The following TAF15 variants were observed in gnomAD, a reference collection of about 807,000 sequenced individuals.
TAF15 encodes the protein TATA-binding protein-associated factor 2N.
A neutral mutation model predicts 102.5 loss-of-function variants in TAF15; 37 were observed. That is an observed-to-expected ratio of 0.36 (90% CI 0.28 to 0.47). The LOEUF is 0.47. Ranked by LOEUF, TAF15 falls within the 20% of genes least tolerant of loss-of-function variation. The probability of loss-of-function intolerance (pLI) is 0.99; values close to 1 mark genes in which losing one functional copy is unlikely to be tolerated. For synonymous variants in TAF15, 273 were observed against 259.2 expected (o/e 1.05, Z -0.51); for missense variants, 652 against 760.7 (o/e 0.86, Z 1.68).
chr17:35,810,556 A>C (rs557877695), intron 1 of TAF15: 1 of 152,230 alleles, frequency 6.6e-6, no homozygotes, highest in South Asian at 2.1e-4. Flanking sequence ...CCAGGTGTCT[A>C]TCCACTTGCT....
rs754618156 is a variant in TAF15 at position 35,844,855 on chromosome 17, G to A, written c.1556G>A (p.Arg519Gln). Residue 519 changes from arginine (R) to glutamine (Q), a missense_variant, in exon 15 of 16, where the codon CGA becomes CAA. Arg to Gln is a conservative substitution (Grantham distance 43). Coordinates refer to ENST00000605844, the MANE Select transcript of TAF15 (RefSeq NM_139215.3). ...GGDRGGYGGD[R>Q]GGYGGDRSRG... The stretch of plus-strand genomic sequence containing the variant: ...GATCGAGGAGGTTATGGAGGAGATC[G>A]AGGAGGCTATGGAGGAGACAGAAGC... The A allele has an allele frequency of 1.7e-5, 27 of 1,606,148 alleles. No homozygotes were observed. Among genetic ancestry groups the A allele is most frequent in the East Asian group, 8.9e-5 (4 of 44,792 alleles).
In TAF15 at chr17:35,809,535, C is replaced by T. The variant is rs1316459162; in HGVS notation, c.-35C>T. ...TGGCTTTCGTATTCGTTGTTCTCGG[C>T]GGGCTGTGGGGCCTCCGCGCCGCGG... On this transcript the variant is annotated 5_prime_UTR_variant, in exon 1 of 16. Coordinates refer to ENST00000605844, the MANE Select transcript of TAF15 (RefSeq NM_139215.3). 7 of 1,612,730 alleles carry T rather than the reference C, an allele frequency of 4.3e-6. No individual in the cohort carries two copies. The highest frequency in any genetic ancestry group is 1.3e-5 in the African/African-American group (1 of 74,888).
At chr17:35,821,327 T>C (rs1443927914) in intron 5 of TAF15, among the ~76,000 whole-genome samples, 1 of 152,194 alleles carries the variant, frequency 6.6e-6, no homozygotes, top group Admixed American at 6.5e-5. Flanking sequence ...TTAAGAGAAA[T>C]AACTCTTCAA....
chr17:35,831,820 C>T (rs1025774942), intron 7 of TAF15, among the ~76,000 whole-genome samples: 1 of 151,648 alleles, frequency 6.6e-6, no homozygotes, highest in Non-Finnish European at 1.5e-5. Flanking sequence ...TGGTGGCTCA[C>T]ACCTGTAATC....
At chr17:35,819,022 T>C (rs4251735) in intron 2 of TAF15, among the ~76,000 whole-genome samples, 2,796 of 152,288 alleles carry the variant, frequency 0.018, 45 homozygotes, top group Non-Finnish European at 0.024. Context: ...GCAGTGGGCT[T>C]CTCTTACCAA....
rs1200279896 is a variant in TAF15 at position 35,844,618 on chromosome 17, A to T, written c.1319A>T (p.Asp440Val). The change falls in exon 15 of 16, where the codon GAT (aspartate) becomes GTT (valine). Residue 440 changes from aspartate to valine, a missense_variant. Physicochemically the swap from Asp to Val is radical, Grantham distance 152. Around this residue, in one of 3 missense-constraint regions of TAF15, gnomAD observed 368 missense variants for 367.5 expected, o/e 1.00. Transcript: ENST00000605844. ...AGCAGCGGTGGTGGCTACAGCGGAG[A>T]TAGAAGTGGGGGCGGCTATGGTGGA... ...DRSSGGGYSG[D>V]RSGGGYGGDR... is the part of the protein sequence containing the mutation. 3 of 1,493,156 alleles carry T rather than the reference A, an allele frequency of 2.0e-6. No homozygotes were observed. The highest frequency in any genetic ancestry group is 1.9e-5 in the African/African-American group (1 of 53,864). 92.5% of individuals were successfully genotyped at this position (1,493,156 alleles called of 1,614,324 possible). A position where few individuals can be genotyped will look rare whatever the true frequency, so the allele number is the denominator to read the frequency against.
At chr17:35,836,500 C>T (rs965199470) in intron 10 of TAF15, among the ~76,000 whole-genome samples, 1 of 152,076 alleles carries the variant, frequency 6.6e-6, no homozygotes, top group African/African-American at 2.4e-5. Flanking sequence ...CTGCTTAGTT[C>T]TTATAACTGT....
chr17:35,845,000 A>G lies in TAF15; in HGVS notation c.1701A>G (p.Gly567=). ...GAGGAGACCGAGGTGGGGGCTACGG[A>G]GGAGACCGAGGTGGCTATGGAGGCA... is the stretch of plus-strand genomic sequence containing the variant. The part of the protein sequence containing the change: ...GYGGDRGGGY[G]GDRGGYGGKM... Residue 567 remains glycine, a synonymous_variant, in exon 15 of 16, where the codon GGA becomes GGG. Coordinates refer to ENST00000605844, the MANE Select transcript of TAF15 (RefSeq NM_139215.3). The G allele has an allele frequency of 1.9e-6, 3 of 1,612,936 alleles. No individual in the cohort carries two copies. The highest frequency in any genetic ancestry group is 2.2e-5 in the East Asian group (1 of 44,790).
In TAF15 at chr17:35,844,090, T is replaced by C. The variant is rs777176470; in HGVS notation, c.1020T>C (p.Tyr340=). Residue 340 remains tyrosine (Y), a synonymous_variant, in exon 13 of 16, where the codon TAT becomes TAC. Transcript: ENST00000605844. ...SGGGRRGRGG[Y]RGRGGFQGRG... ...CCATCCCCCTAGGCCGTGGAGGATA[T>C]AGAGGTCGTGGAGGCTTTCAAGGGA... The C allele has an allele frequency of 1.4e-5, 23 of 1,614,138 alleles. No individual in the cohort carries two copies. Among genetic ancestry groups the C allele is most frequent in the Admixed American group, 1.7e-5 (1 of 60,020 alleles).
At chr17:35,817,801 G>T (rs761857910) in intron 2 of TAF15, 46 bp downstream of exon 2, 19 of 1,553,574 alleles carry the variant, frequency 1.2e-5, no homozygotes, top group Non-Finnish European at 8.9e-7. Flanking sequence ...TAGAACTGAG[G>T]TGAATTTTGT....
rs560923327 is a variant in TAF15, at chr17:35,844,663, A to G, written c.1364A>G (p.Tyr455Cys). The G allele has an allele frequency of 3.5e-5, 55 of 1,592,592 alleles. No individual in the cohort carries two copies. Among genetic ancestry groups the G allele is most frequent in the African/African-American group, 2.7e-4 (19 of 71,134 alleles). The change falls in exon 15 of 16, where the codon TAT becomes TGT. Residue 455 changes from tyrosine to cysteine, a missense_variant. By Grantham distance (194) the Tyr-to-Cys change is radical. Around this residue, in one of 3 missense-constraint regions of TAF15, gnomAD observed 368 missense variants for 367.5 expected, o/e 1.00. Coordinates refer to ENST00000605844, the MANE Select transcript of TAF15 (RefSeq NM_139215.3). ...GGTGGAGACAGAAGTGGGGGTGGCT[A>G]TGGTGGGGACAGAGGCGGCGGCTAT... ...GYGGDRSGGG[Y>C]GGDRGGGYGG...
Position 35,845,055 on chromosome 17 carries a change from G to C in TAF15, c.1739+17G>C. ...GGGAGGAAGGTGAGTATTAGAATGT[G>C]TTTATTAACCTTTTTACCTCACTGC... On this transcript the variant is annotated intron_variant, in intron 15 of 15. Coordinates refer to ENST00000605844, the MANE Select transcript of TAF15 (RefSeq NM_139215.3). 5 of 1,613,734 alleles carry C rather than the reference G, an allele frequency of 3.1e-6. No individual in the cohort carries two copies. The highest frequency in any genetic ancestry group is 4.5e-5 in the East Asian group (2 of 44,876).
At chr17:35,814,834 T>C (rs1210992749) in intron 1 of TAF15, among the ~76,000 whole-genome samples, 3 of 150,928 alleles carry the variant, frequency 2.0e-5, no homozygotes, top group East Asian at 3.9e-4. Context: ...TCCTGGGTGA[T>C]AGAGTGAGAC....
chr17:35,838,129 G>A (rs998642220), intron 10 of TAF15, among the ~76,000 whole-genome samples: 1 of 151,948 alleles, frequency 6.6e-6, no homozygotes, highest in African/African-American at 2.4e-5. Context: ...GCTACATTGA[G>A]TATGATCGTG....
At position 35,843,075 on chromosome 17, in the gene TAF15, T is replaced by G. The variant is rs115054085; in HGVS notation, c.1006+616T>G. Among the ~76,000 whole-genome samples, 445 of 152,184 alleles carry G rather than the reference T, an allele frequency of 2.9e-3. 1 individual carries two copies. Among genetic ancestry groups the G allele is most frequent in the African/African-American group, 9.6e-3 (400 of 41,510 alleles). ...CTAATTAGGTAATTAATCTGACCAG[T>G]TTTTAAGCTGCCTGATACAGTTACT... is the stretch of plus-strand genomic sequence containing the variant. On this transcript the variant is annotated intron_variant, in intron 12 of 15. Transcript: ENST00000605844.
chr17:35,845,676 A>AT (rs1332335266), intron 15 of TAF15, among the ~76,000 whole-genome samples: 4 of 152,036 alleles, frequency 2.6e-5, no homozygotes, highest in African/African-American at 9.7e-5. Flanking sequence ...CGCCCGGCTA[A>AT]TTTTTTGTAT....
intron 7 of TAF15, among the ~76,000 whole-genome samples, chr17:35,831,100 C>T (rs1404721330): frequency 6.6e-6 from 1 of 152,100 alleles, no homozygotes; most frequent in Non-Finnish European, 1.5e-5. Context: ...AAAGGAAATG[C>T]ACAGTAAAGA....
chr17:35,827,803 TAGA>T (rs1011618620), intron 7 of TAF15, among the ~76,000 whole-genome samples: 26 of 152,264 alleles, frequency 1.7e-4, no homozygotes, highest in African/African-American at 6.0e-4. Flanking sequence ...ATTGCCTGGC[TAGA>T]AGAAGAATTC....
In TAF15 at chr17:35,834,531, C is replaced by A. The variant is rs1441546765; in HGVS notation, c.641-35C>A. ...TTGTTAATGATTTTAAATAAATTGC[C>A]TTAAATAGCTCTTTTTTCTTTTCTT... On this transcript the variant is annotated intron_variant, in intron 8 of 15. Coordinates refer to ENST00000605844, the MANE Select transcript of TAF15 (RefSeq NM_139215.3). 3.7e-6 allele frequency: 6 copies of A among 1,607,726 alleles called. No homozygotes were observed. The Admixed American group carries it at 1.0e-4, about 27-fold the overall frequency.
Sources: gnomAD v4.1 joint callset for allele counts (sites outside exome capture counted in the v4.1 genomes callset) on GRCh38, gnomAD v4.1.1 for gene constraint, gnomAD v4.1.1 regional missense constraint, MANE v1.5 for transcripts, NCBI Gene and HGNC (gene_info 2026-07-23, HGNC 2026-07-21) for gene names.